ME3: variants seen among roughly 807,000 people sequenced by gnomAD.
ME3 encodes NADP-dependent malic enzyme, mitochondrial.
A neutral mutation model predicts 68.9 loss-of-function variants in ME3; 48 were observed. The ratio of observed to expected loss-of-function variants is 0.70; its 90% CI spans 0.55 to 0.89. ME3 has a LOEUF of 0.89. Ranked by LOEUF, ME3 falls within the 40% of genes least tolerant of loss-of-function variation. The probability of loss-of-function intolerance (pLI) is 0.00; values close to 1 mark genes in which losing one functional copy is unlikely to be tolerated. For synonymous variants in ME3, 320 were observed against 318.8 expected, an observed-to-expected ratio of 1.00 and a Z score of -0.04; for missense variants, 675 against 797.4, an observed-to-expected ratio of 0.85 and a Z score of 1.85.
intron 4 of ME3, among the ~76,000 whole-genome samples, chr11:86,544,705 T>G (rs1379217420): frequency 6.6e-6 from 1 of 152,142 alleles, no homozygotes; most frequent in East Asian, 1.9e-4. Flanking sequence ...CCAGACGGAT[T>G]CATAGCCGAA....
chr11:86,649,521 A>G (rs966090567), intron 2 of ME3, among the ~76,000 whole-genome samples: 6 of 152,226 alleles, frequency 3.9e-5, no homozygotes, highest in African/African-American at 1.4e-4. Flanking sequence ...AGGAAGTCGG[A>G]TTGTCTCTGT....
At chr11:86,642,566 T>C (rs914678904) in intron 2 of ME3, among the ~76,000 whole-genome samples, 2 of 152,178 alleles carry the variant, frequency 1.3e-5, no homozygotes, top group African/African-American at 4.8e-5. Context: ...CCAGGTGTGG[T>C]GGCCTGTGCC....
intron 2 of ME3, among the ~76,000 whole-genome samples, chr11:86,641,597 C>A (rs1426693981): frequency 1.3e-5 from 2 of 152,194 alleles, no homozygotes; most frequent in African/African-American, 4.8e-5. Context: ...TTATACTACA[C>A]TGAGTAAGTT....
chr11:86,460,268 G>T (rs1381061106), intron 8 of ME3, among the ~76,000 whole-genome samples: 1 of 152,226 alleles, frequency 6.6e-6, no homozygotes, highest in Non-Finnish European at 1.5e-5. Context: ...CTGAGCTGGG[G>T]TGGGAGGCAG....
chr11:86,626,627 T>A (rs1282054709), intron 2 of ME3, among the ~76,000 whole-genome samples: 4 of 152,226 alleles, frequency 2.6e-5, no homozygotes, highest in African/African-American at 9.6e-5. Flanking sequence ...GCAGAGACTG[T>A]CAAACATTTT....
chr11:86,578,389 A>T (rs961407882), intron 2 of ME3, among the ~76,000 whole-genome samples: 3 of 152,086 alleles, frequency 2.0e-5, no homozygotes, highest in African/African-American at 7.2e-5. Flanking sequence ...GGGTCAAAAG[A>T]TGAACTGTGA....
At chr11:86,621,806 G>A (rs80337001) in intron 2 of ME3, among the ~76,000 whole-genome samples, 1 of 152,034 alleles carries the variant, frequency 6.6e-6, no homozygotes, top group African/African-American at 2.4e-5. Flanking sequence ...GGTCTGAGGA[G>A]ATTTGAAATA....
chr11:86,483,088 A>G (rs1208455228), intron 7 of ME3, among the ~76,000 whole-genome samples: 1 of 152,226 alleles, frequency 6.6e-6, no homozygotes, highest in African/African-American at 2.4e-5. Context: ...TCTGCTCTGC[A>G]CAAAGGCCCG....
chr11:86,475,251 A>G (rs1950995950), intron 7 of ME3, among the ~76,000 whole-genome samples: 1 of 152,110 alleles, frequency 6.6e-6, no homozygotes, highest in African/African-American at 2.4e-5. Flanking sequence ...GTGAGTTGTC[A>G]TGAGGTCTGG....
At chr11:86,500,436 C>T (rs980423958) in intron 5 of ME3, among the ~76,000 whole-genome samples, 4 of 152,214 alleles carry the variant, frequency 2.6e-5, no homozygotes, top group African/African-American at 7.2e-5. Flanking sequence ...CGCAATCCTA[C>T]CATGGTTATA....
At chr11:86,657,196 T>G (rs1945949617) in intron 2 of ME3, among the ~76,000 whole-genome samples, 1 of 152,134 alleles carries the variant, frequency 6.6e-6, no homozygotes, top group African/African-American at 2.4e-5. Flanking sequence ...CTATTCACAA[T>G]AGCAAAGACT....
At chr11:86,451,264 T>G (rs891414785) in intron 8 of ME3, among the ~76,000 whole-genome samples, 1 of 152,158 alleles carries the variant, frequency 6.6e-6, no homozygotes, top group Non-Finnish European at 1.5e-5. Context: ...ATAGCAAGAC[T>G]GGTGATAAGG....
chr11:86,570,003 C>T (rs942391548), intron 2 of ME3, among the ~76,000 whole-genome samples: 2 of 152,198 alleles, frequency 1.3e-5, no homozygotes, highest in African/African-American at 4.8e-5. Context: ...ACTTCAGCTA[C>T]TGTTGAGCAT....
chr11:86,532,031 A>G (rs1042362958), intron 4 of ME3, among the ~76,000 whole-genome samples: 10 of 152,130 alleles, frequency 6.6e-5, no homozygotes, highest in Non-Finnish European at 1.5e-4. Flanking sequence ...GGATGGAAAA[A>G]GATATTCCAC....
intron 6 of ME3, among the ~76,000 whole-genome samples, chr11:86,495,017 A>C (rs1229104811): frequency 1.3e-5 from 2 of 152,238 alleles, no homozygotes; most frequent in African/African-American, 4.8e-5. Flanking sequence ...TAAAATTTTG[A>C]ATAATGTTCT....
In ME3 at chr11:86,575,636, C is replaced by T. The variant is rs1472742006; in HGVS notation, c.184-15813G>A. On this transcript the variant is annotated intron_variant, in intron 2 of 14. Coordinates refer to ENST00000543262, the Ensembl canonical transcript of ME3. ...AGACAGAGATGAAGTGGATGACGTG[C>T]TCCCCCCCAGGTTGGGTGCAGTGAC... 3.4e-5 allele frequency among the ~76,000 whole-genome samples: 4 copies of T among 117,966 alleles called. 1 individual carries two copies. Among genetic ancestry groups the T allele is most frequent in the Non-Finnish European group, 7.2e-5 (4 of 55,788 alleles). 77.4% of individuals were successfully genotyped at this position (117,966 alleles called of 152,430 possible). A position where few individuals can be genotyped will look rare whatever the true frequency, so the allele number is the denominator to read the frequency against.
intron 2 of ME3, among the ~76,000 whole-genome samples, chr11:86,628,767 C>G (rs1204968180): frequency 6.6e-6 from 1 of 152,170 alleles, no homozygotes; most frequent in Non-Finnish European, 1.5e-5. Context: ...ATGCAGACCG[C>G]AGTTGCAACT....
intron 3 of ME3, among the ~76,000 whole-genome samples, chr11:86,557,479 G>C (rs557630570): frequency 6.6e-6 from 1 of 152,150 alleles, no homozygotes; most frequent in Admixed American, 6.5e-5. Context: ...TGGGATGGGA[G>C]AAATTTTCTA....
chr11:86,658,303 A>C (rs1946050650), intron 2 of ME3, among the ~76,000 whole-genome samples: 2 of 151,786 alleles, frequency 1.3e-5, no homozygotes, highest in South Asian at 4.2e-4. Flanking sequence ...TTGTATTTTT[A>C]GTAGAGATGG....
Sources: gnomAD v4.1 joint callset for allele counts (sites outside exome capture counted in the v4.1 genomes callset) on GRCh38, gnomAD v4.1.1 for gene constraint, MANE v1.5 for transcripts, NCBI Gene and HGNC (gene_info 2026-07-23, HGNC 2026-07-21) for gene names.